SPAG9: variants seen among roughly 807,000 people sequenced by gnomAD.
The protein encoded by SPAG9 is C-Jun-amino-terminal kinase-interacting protein 4.
A neutral mutation model predicts 166.5 loss-of-function variants in SPAG9; 35 were observed. That is an observed-to-expected ratio of 0.21 (90% CI 0.16 to 0.28). The LOEUF (loss-of-function observed/expected upper bound fraction) is 0.28, where lower values mean the gene tolerates loss of function less well. Ranked by LOEUF, SPAG9 falls within the 10% of genes least tolerant of loss-of-function variation. The pLI is 1.00. For missense variants in SPAG9, 1,235 were observed against 1,603.3 expected, an observed-to-expected ratio of 0.77 and a Z score of 3.92; for synonymous variants, 534 against 565.5, an observed-to-expected ratio of 0.94 and a Z score of 0.79.
In SPAG9 at chr17:51,014,289, G is replaced by C. The variant is rs772894832; in HGVS notation, c.1156C>G (p.Leu386Val). The C allele has an allele frequency of 2.5e-6, 4 of 1,613,000 alleles. No individual in the cohort carries two copies. In the Admixed American group the frequency reaches 5.0e-5, roughly 20 times the overall value. The change falls in exon 9 of 30, where the codon CTG (leucine) becomes GTG (valine). Residue 386 changes from leucine (L) to valine (V), a missense_variant. By Grantham distance (32) the Leu-to-Val change is conservative. Coordinates refer to ENST00000262013, the MANE Select transcript of SPAG9 (RefSeq NM_001130528.3). ...DRNTESLFEE[L>V]SSAGSGLIGD... ...ATTAGGCCTGAGCCAGCTGAAGACA[G>C]TTCTTCAAAGAGAGATTCTGTATTG...
At position 50,987,296 on chromosome 17, in the gene SPAG9, T is replaced by G. The variant is rs994560900; in HGVS notation, c.2814-59A>C. 16 of 1,447,104 alleles carry G rather than the reference T, an allele frequency of 1.1e-5. No homozygotes were observed. In the African/African-American group the frequency reaches 1.7e-4, roughly 16 times the overall value. The allele number at this position is 1,447,104 out of a possible 1,614,324, so 89.6% of individuals were successfully genotyped here. A position where few individuals can be genotyped will look rare whatever the true frequency, so the allele number is the denominator to read the frequency against. Reference sequence around the variant, plus strand: ...GTATACTTAACTATCGTTATAGTTTTCAGGGACTGAATCCTTCTATATTTA... The same window carrying G: ...GTATACTTAACTATCGTTATAGTTTGCAGGGACTGAATCCTTCTATATTTA... On this transcript the variant is annotated intron_variant, in intron 21 of 29. Transcript: ENST00000262013.
At chr17:51,056,658 T>C (rs2047369833) in intron 2 of SPAG9, among the ~76,000 whole-genome samples, 176 bp from the exon 3 acceptor site, 1 of 152,200 alleles carries the variant, frequency 6.6e-6, no homozygotes. Context: ...AATGAAAACT[T>C]TCAGACGAGC....
intron 9 of SPAG9, chr17:51,007,848 T>C (rs748179610): frequency 2.0e-4 from 89 of 452,728 alleles, no homozygotes; most frequent in Non-Finnish European, 8.4e-5. Flanking sequence ...AAAGAAATTA[T>C]GGTCTTAAAG....
intron 5 of SPAG9, among the ~76,000 whole-genome samples, chr17:51,033,312 A>T (rs1482260118): frequency 9.4e-6 from 1 of 106,524 alleles, no homozygotes; most frequent in African/African-American, 3.6e-5. Context: ...CATTAAATGA[A>T]AAAAAAAAAA....
chr17:51,112,243 G>A (rs961271394), intron 1 of SPAG9, among the ~76,000 whole-genome samples: 3 of 151,684 alleles, frequency 2.0e-5, no homozygotes, highest in African/African-American at 4.8e-5. Context: ...TATTCGAATC[G>A]TTAACCATGG....
rs1171177128 is a variant in SPAG9 at position 50,990,060 on chromosome 17, C to T, written c.2618-188G>A. The T allele has an allele frequency of 4.1e-5, 25 of 616,382 alleles. No individual in the cohort carries two copies. The Admixed American group carries it at 6.6e-4, about 16-fold the overall frequency. 38.2% of individuals were successfully genotyped at this position (616,382 alleles called of 1,614,324 possible). ...TTTTTTTTTTTGAGACAGAGTCTTG[C>T]TCTGTTGCCCAGGCTGGAGTGCGGC... is the stretch of plus-strand genomic sequence containing the variant. On this transcript the variant is annotated intron_variant, in intron 20 of 29. Transcript: ENST00000262013.
chr17:51,048,346 G>T (rs983570251), intron 3 of SPAG9, among the ~76,000 whole-genome samples: 4 of 151,770 alleles, frequency 2.6e-5, no homozygotes, highest in African/African-American at 9.7e-5. Context: ...AGAAAAAAAT[G>T]AATTTTAAAA....
intron 1 of SPAG9, among the ~76,000 whole-genome samples, chr17:51,119,891 T>G (rs2049421127): frequency 6.6e-6 from 1 of 152,156 alleles, no homozygotes; most frequent in Non-Finnish European, 1.5e-5. Context: ...GGGAGATCTC[T>G]AACTTCCCAA....
chr17:51,041,422 G>A (rs2046834715), intron 5 of SPAG9, 79 bp downstream of exon 5: 2 of 1,332,256 alleles, frequency 1.5e-6, no homozygotes, highest in Admixed American at 4.4e-5. Flanking sequence ...TTACTATACT[G>A]TGGTCGTCTA....
chr17:51,042,564 G>GT (rs1281757904), intron 4 of SPAG9: 2 of 152,172 alleles, frequency 1.3e-5, no homozygotes, highest in Non-Finnish European at 2.9e-5. Context: ...TGGTAAGAAT[G>GT]TAAGTTAGAA....
At chr17:51,068,758 C>A (rs1243468484) in intron 2 of SPAG9, among the ~76,000 whole-genome samples, 1 of 152,168 alleles carries the variant, frequency 6.6e-6, no homozygotes, top group Non-Finnish European at 1.5e-5. Flanking sequence ...AAGCAAATCA[C>A]CAGAAATCCT....
At chr17:51,019,233 C>A (rs1215638945) in intron 8 of SPAG9, among the ~76,000 whole-genome samples, 9 of 152,176 alleles carry the variant, frequency 5.9e-5, no homozygotes, top group African/African-American at 1.9e-4. Context: ...GCCTTCCTAG[C>A]CTCCAGAACT....
chr17:51,008,287 G>C (rs895820589), intron 9 of SPAG9, among the ~76,000 whole-genome samples: 2 of 152,074 alleles, frequency 1.3e-5, no homozygotes, highest in African/African-American at 4.8e-5. Flanking sequence ...TCTTTAGGGA[G>C]AAGAAAGCTA....
At chr17:51,037,961 G>T (rs540261659) in intron 5 of SPAG9, among the ~76,000 whole-genome samples, 1 of 151,990 alleles carries the variant, frequency 6.6e-6, no homozygotes, top group Non-Finnish European at 1.5e-5. Flanking sequence ...CCCCCGGTAC[G>T]AAATTCCTGT....
chr17:51,118,590 T>C (rs983875339), intron 1 of SPAG9, among the ~76,000 whole-genome samples: 1 of 152,198 alleles, frequency 6.6e-6, no homozygotes, highest in African/African-American at 2.4e-5. Flanking sequence ...TCCATGTATA[T>C]CCACACACTG....
intron 25 of SPAG9, among the ~76,000 whole-genome samples, chr17:50,981,679 T>TC (rs979013541): frequency 6.9e-6 from 1 of 145,742 alleles, no homozygotes; most frequent in Non-Finnish European, 1.5e-5. Context: ...ATGCTTTTTG[T>TC]CCCCCTAAAC....
rs1038499031 is a variant in SPAG9, at chr17:51,109,108, C to T, written c.303+11246G>A. Among the ~76,000 whole-genome samples, 8 of 151,952 alleles carry T rather than the reference C, an allele frequency of 5.3e-5. No individual in the cohort carries two copies. In the South Asian group the frequency reaches 1.2e-3, roughly 24 times the overall value. ...AACTCCTGACCTCAGGTGATCCGCC[C>T]GCCTCAGACTCCCCAAGTGCTAAGA... On this transcript the variant is annotated intron_variant, in intron 1 of 29. Transcript: ENST00000262013.
chr17:51,082,394 A>C (rs548694326), intron 1 of SPAG9, among the ~76,000 whole-genome samples: 10 of 151,418 alleles, frequency 6.6e-5, no homozygotes, highest in African/African-American at 2.2e-4. Flanking sequence ...AAAAAAAAAA[A>C]AAAAAAAAAA....
intron 1 of SPAG9, among the ~76,000 whole-genome samples, chr17:51,086,859 T>G (rs2048320984): frequency 6.6e-6 from 1 of 151,982 alleles, no homozygotes; most frequent in Non-Finnish European, 1.5e-5. Context: ...GCGGCAGAAG[T>G]TGTAGTGAGC....
Sources: allele counts gnomAD v4.1 joint callset (sites outside exome capture counted in the v4.1 genomes callset), GRCh38; gene constraint gnomAD v4.1.1; transcripts MANE v1.5; gene names NCBI Gene and HGNC (gene_info 2026-07-23, HGNC 2026-07-21).